The following TMPRSS11B variants were observed in gnomAD, a reference collection of about 807,000 sequenced individuals.
TMPRSS11B encodes the protein transmembrane protease serine 11B.
A neutral mutation model predicts 44.7 loss-of-function variants in TMPRSS11B; 53 were observed. The observed-to-expected ratio is 1.19, with a 90% confidence interval of 0.95 to 1.49. The LOEUF (loss-of-function observed/expected upper bound fraction) is 1.49. TMPRSS11B is among the 40% of genes most tolerant of loss of function. The pLI is 0.00. For synonymous variants in TMPRSS11B, 140 were observed against 159.2 expected (o/e 0.88, Z 0.91); for missense variants, 526 against 494.8 (o/e 1.06, Z -0.60).
At chr4:68,236,288 AC>A (rs1719664741) in intron 2 of TMPRSS11B, 22 bp from the exon 3 acceptor site, 6 of 1,481,914 alleles carry the variant, frequency 4.0e-6, no homozygotes, top group East Asian at 2.3e-5. Flanking sequence ...AGAAAAAAAA[AC>A]CTCAAAGAAT....
Position 68,245,678 on chromosome 4 carries a change from C to T in TMPRSS11B, c.-120G>A. 1 of 1,252,488 alleles carries T rather than the reference C, an allele frequency of 8.0e-7. No individual in the cohort carries two copies. Among genetic ancestry groups the T allele is most frequent in the African/African-American group, 1.5e-5 (1 of 67,270 alleles). 77.6% of individuals were successfully genotyped at this position (1,252,488 alleles called of 1,614,324 possible). A position where few individuals can be genotyped will look rare whatever the true frequency, so the allele number is the denominator to read the frequency against. On this transcript the variant is annotated 5_prime_UTR_variant, in exon 1 of 10. Transcript: ENST00000332644. Reference sequence around the variant, plus strand: ...CAAAAGTTAGAACCTTCTGACGCAGCTTTTGACTTATGTGCTACATCCAGT... The same window carrying T: ...CAAAAGTTAGAACCTTCTGACGCAGTTTTTGACTTATGTGCTACATCCAGT...
chr4:68,242,804 C>T (rs1409095096), intron 1 of TMPRSS11B, among the ~76,000 whole-genome samples: 6 of 151,978 alleles, frequency 3.9e-5, no homozygotes, highest in Non-Finnish European at 7.4e-5. Flanking sequence ...TGAGCTCAAG[C>T]GATCTGCCCA....
chr4:68,233,407 G>A (rs1051184834), intron 5 of TMPRSS11B, among the ~76,000 whole-genome samples: 3 of 152,138 alleles, frequency 2.0e-5, no homozygotes, highest in African/African-American at 7.2e-5. Context: ...TTATCACCTA[G>A]CTGGACTTTT....
In TMPRSS11B at chr4:68,234,393, T is replaced by C. The variant is rs972014934; in HGVS notation, c.469+70A>G. The C allele has an allele frequency of 5.9e-6, 9 of 1,514,896 alleles. No homozygotes were observed. In the African/African-American group the frequency reaches 1.3e-4, roughly 22 times the overall value. 93.8% of individuals were successfully genotyped at this position (1,514,896 alleles called of 1,614,324 possible). A position where few individuals can be genotyped will look rare whatever the true frequency, so the allele number is the denominator to read the frequency against. ...ATTACTAAAACTCTTAGTTCACTTT[T>C]TAGTACTTTTTAAAAAAATAATCCA... is the stretch of plus-strand genomic sequence containing the variant. On this transcript the variant is annotated intron_variant, in intron 5 of 9. Coordinates refer to ENST00000332644, the MANE Select transcript of TMPRSS11B (RefSeq NM_182502.3).
At chr4:68,242,266 A>T (rs1179286613) in intron 1 of TMPRSS11B, among the ~76,000 whole-genome samples, 3 of 31,398 alleles carry the variant, frequency 9.6e-5, no homozygotes, top group African/African-American at 4.7e-4. Context: ...TAATATATAT[A>T]ATATAATATT....
rs192163755 is a variant in TMPRSS11B, at chr4:68,236,647, A to T, written c.125-381T>A. 6.6e-5 allele frequency among the ~76,000 whole-genome samples: 10 copies of T among 152,194 alleles called. No individual in the cohort carries two copies. In the South Asian group the frequency reaches 1.0e-3, roughly 16 times the overall value. Reference sequence around the variant, plus strand: ...TGCTAAGTCCAGATATACCCTCAGCACCCTCCTCAAAACAGCAATGCCCAC... The same window carrying T: ...TGCTAAGTCCAGATATACCCTCAGCTCCCTCCTCAAAACAGCAATGCCCAC... On this transcript the variant is annotated intron_variant, in intron 2 of 9. Coordinates refer to ENST00000332644, the MANE Select transcript of TMPRSS11B (RefSeq NM_182502.3).
Position 68,228,073 on chromosome 4 carries a change from C to A in TMPRSS11B, c.1090-1G>T, listed in dbSNP as rs775029757. The A allele has an allele frequency of 1.3e-6, 2 of 1,587,030 alleles. No individual in the cohort carries two copies. Among genetic ancestry groups the A allele is most frequent in the Admixed American group, 1.9e-5 (1 of 51,324 alleles). ...AAGCTAGTGGTCCACCAGAATCATTCTAGAAGAAGAAAAGAAAAAAATGTT... is the reference window on the plus strand; with the variant it reads ...AAGCTAGTGGTCCACCAGAATCATTATAGAAGAAGAAAAGAAAAAAATGTT... On this transcript the variant is annotated splice_acceptor_variant, in intron 9 of 9. Coordinates refer to ENST00000332644, the MANE Select transcript of TMPRSS11B (RefSeq NM_182502.3). LOFTEE classifies it high-confidence loss of function.
chr4:68,228,161 C>T (rs1719409404), intron 9 of TMPRSS11B, 89 bp from the exon 10 acceptor site: 2 of 1,207,230 alleles, frequency 1.7e-6, no homozygotes, highest in Non-Finnish European at 2.2e-6. Flanking sequence ...CTCCTGGGCA[C>T]TGAAACCAAT....
In TMPRSS11B at chr4:68,228,737, C is replaced by T. The variant is rs1414038186; in HGVS notation, c.1089+5G>A. The T allele has an allele frequency of 6.2e-7, 1 of 1,603,688 alleles. No homozygotes were observed. The highest frequency in any genetic ancestry group is 8.5e-7 in the Non-Finnish European group (1 of 1,176,236). On this transcript the variant is annotated splice_donor_5th_base_variant and intron_variant, in intron 9 of 9. Transcript: ENST00000332644. ...AAAACAACTGGATAATGTAACTAGA[C>T]ATACCTGACATGCATCAGCTTCTCC...
intron 5 of TMPRSS11B, among the ~76,000 whole-genome samples, chr4:68,233,228 G>C (rs1166872097): frequency 6.6e-6 from 1 of 151,940 alleles, no homozygotes; most frequent in African/African-American, 2.4e-5. Flanking sequence ...CCCTTGAAAA[G>C]TTCTACCTCA....
In TMPRSS11B at chr4:68,227,882, T is replaced by G. The variant is rs1719397142; in HGVS notation, c.*29A>C. On this transcript the variant is annotated 3_prime_UTR_variant, in exon 10 of 10. Coordinates refer to ENST00000332644, the MANE Select transcript of TMPRSS11B (RefSeq NM_182502.3). ...AGATAAGGATAGCCTACAGTGGTCT[T>G]TATGTTCCTTTGTATAATTCCTTTT... 6.4e-7 allele frequency: 1 copy of G among 1,558,928 alleles called. No homozygotes were observed. Among genetic ancestry groups the G allele is most frequent in the Middle Eastern group, 1.7e-4 (1 of 5,792 alleles).
Position 68,245,686 on chromosome 4 carries a change from T to A in TMPRSS11B, c.-128A>T. On this transcript the variant is annotated 5_prime_UTR_variant, in exon 1 of 10. In the 5' UTR this introduces an upstream ATG that the reference lacks. Transcript: ENST00000332644. ...AGAACCTTCTGACGCAGCTTTTGACTTATGTGCTACATCCAGTGTTGGAGC... is the reference window on the plus strand; with the variant it reads ...AGAACCTTCTGACGCAGCTTTTGACATATGTGCTACATCCAGTGTTGGAGC... 1 of 1,131,778 alleles carries A rather than the reference T, an allele frequency of 8.8e-7. No homozygotes were observed. The highest frequency in any genetic ancestry group is 1.3e-6 in the Non-Finnish European group (1 of 755,538). 70.1% of individuals were successfully genotyped at this position (1,131,778 alleles called of 1,614,324 possible).
At chr4:68,230,026 TC>T (rs989746053) in intron 7 of TMPRSS11B, among the ~76,000 whole-genome samples, 4 of 152,214 alleles carry the variant, frequency 2.6e-5, no homozygotes, top group Non-Finnish European at 4.4e-5. Context: ...AGTTTTCTGT[TC>T]CAGCATTAAT....
chr4:68,231,037 C>A (rs964648084), intron 7 of TMPRSS11B, among the ~76,000 whole-genome samples, 166 bp downstream of exon 7: 1 of 282 alleles, frequency 3.5e-3, no homozygotes, highest in Non-Finnish European at 8.2e-3. Context: ...AATTTAAATG[C>A]ATTTCCTTTC....
At position 68,232,367 on chromosome 4, in the gene TMPRSS11B, C is replaced by G; in HGVS notation, c.508+11G>C. 1.1e-5 allele frequency: 17 copies of G among 1,610,590 alleles called. No homozygotes were observed. Among genetic ancestry groups the G allele is most frequent in the Non-Finnish European group, 1.3e-5 (15 of 1,178,426 alleles). Reference sequence around the variant, plus strand: ...TCCATCAAATTTATAATTAAAAGGTCCTTAACTTACAGTTGTTGGTAAGCA... The same window carrying G: ...TCCATCAAATTTATAATTAAAAGGTGCTTAACTTACAGTTGTTGGTAAGCA... On this transcript the variant is annotated intron_variant, in intron 6 of 9. Coordinates refer to ENST00000332644, the MANE Select transcript of TMPRSS11B (RefSeq NM_182502.3).
chr4:68,238,560 TAA>T (rs5859126), intron 2 of TMPRSS11B, among the ~76,000 whole-genome samples: 488 of 141,946 alleles, frequency 3.4e-3, no homozygotes, highest in East Asian at 6.2e-3. Flanking sequence ...CCATCTCTAC[TAA>T]AAAAAAAAAA....
intron 2 of TMPRSS11B, among the ~76,000 whole-genome samples, chr4:68,240,646 A>AT (rs1302399662): frequency 5.3e-5 from 8 of 152,246 alleles, no homozygotes; most frequent in African/African-American, 1.9e-4. Flanking sequence ...GAAGAATGTT[A>AT]TTTTTTAATG....
At chr4:68,234,333 G>T (rs1719600786) in intron 5 of TMPRSS11B, 130 bp downstream of exon 5, 3 of 824,084 alleles carry the variant, frequency 3.6e-6, no homozygotes, top group African/African-American at 1.7e-5. Context: ...CATTGCTAGG[G>T]GTGCCAGAGT....
In TMPRSS11B at chr4:68,235,989, A is replaced by G. The variant is rs1329938709; in HGVS notation, c.308+13T>C. The G allele has an allele frequency of 6.6e-7, 1 of 1,516,324 alleles. No homozygotes were observed. Among genetic ancestry groups the G allele is most frequent in the Non-Finnish European group, 8.9e-7 (1 of 1,122,706 alleles). 93.9% of individuals were successfully genotyped at this position (1,516,324 alleles called of 1,614,324 possible). Reference sequence around the variant, plus strand: ...CTTTCCTTTCATAAAATCTTAAATGAACTTGTACTTACAGAAGTTTGATGA... The same window carrying G: ...CTTTCCTTTCATAAAATCTTAAATGGACTTGTACTTACAGAAGTTTGATGA... On this transcript the variant is annotated intron_variant, in intron 4 of 9. Coordinates refer to ENST00000332644, the MANE Select transcript of TMPRSS11B (RefSeq NM_182502.3).
Sources: allele counts gnomAD v4.1 joint callset (sites outside exome capture counted in the v4.1 genomes callset), GRCh38; gene constraint gnomAD v4.1.1; transcripts MANE v1.5; gene names NCBI Gene and HGNC (gene_info 2026-07-23, HGNC 2026-07-21).